Variants in SDK1 observed in about 807,000 individuals in gnomAD.
SDK1 encodes the protein sidekick cell adhesion molecule 1.
A neutral mutation model predicts 245.5 loss-of-function variants in SDK1; 157 were observed. That is an observed-to-expected ratio of 0.64 (90% CI 0.56 to 0.73). SDK1 has a LOEUF of 0.73. SDK1 is among the 30% of genes least tolerant of loss of function. The pLI, the probability that SDK1 is intolerant of heterozygous loss-of-function variation, is 0.00. For missense variants in SDK1, 3,583 were observed against 3,002.3 expected (o/e 1.19, Z -4.52); for synonymous variants, 1,647 against 1,278.5 (o/e 1.29, Z -6.15).
intron 1 of SDK1, among the ~76,000 whole-genome samples, chr7:3,310,841 A>T (rs1271716619): frequency 6.6e-6 from 1 of 152,182 alleles, no homozygotes; most frequent in Non-Finnish European, 1.5e-5. Context: ...TGGGTTGGCT[A>T]CTTAATCTTC....
chr7:3,688,132 C>G (rs1387894904), intron 4 of SDK1, among the ~76,000 whole-genome samples: 2 of 152,226 alleles, frequency 1.3e-5, no homozygotes, highest in East Asian at 1.9e-4. Flanking sequence ...CAGCTACTTC[C>G]TAACTCCTTT....
chr7:4,182,750 A>G (rs970847748), intron 35 of SDK1, among the ~76,000 whole-genome samples: 8 of 152,182 alleles, frequency 5.3e-5, no homozygotes, highest in Admixed American at 1.3e-4. Context: ...TCCTGGCAGT[A>G]GGGAGGGAGA....
At chr7:3,593,414 C>CA (rs1780951015) in intron 1 of SDK1, among the ~76,000 whole-genome samples, 1 of 152,174 alleles carries the variant, frequency 6.6e-6, no homozygotes, top group Non-Finnish European at 1.5e-5. Flanking sequence ...CCCCGTTCTC[C>CA]AAACCTAGCT....
intron 1 of SDK1, among the ~76,000 whole-genome samples, chr7:3,470,570 G>A (rs762728030): frequency 6.6e-6 from 1 of 152,150 alleles, no homozygotes; most frequent in African/African-American, 2.4e-5. Context: ...ACCTTGGGGA[G>A]AGAGGTTAAA....
intron 5 of SDK1, among the ~76,000 whole-genome samples, chr7:3,904,898 CAGG>C (rs903457176): frequency 9.9e-5 from 15 of 151,414 alleles, no homozygotes; most frequent in African/African-American, 3.6e-4. Context: ...GAGACTGAGG[CAGG>C]AGAATGGCGT....
intron 34 of SDK1, among the ~76,000 whole-genome samples, chr7:4,176,205 G>A (rs563194122): frequency 6.8e-6 from 1 of 147,232 alleles, no homozygotes; most frequent in South Asian, 2.1e-4. Flanking sequence ...CTCTGTTGCC[G>A]AGGCTGGAGT....
intron 4 of SDK1, among the ~76,000 whole-genome samples, chr7:3,657,289 C>G (rs1583278353): frequency 1.3e-5 from 2 of 152,174 alleles, no homozygotes; most frequent in South Asian, 4.1e-4. Context: ...AGATGAGAGG[C>G]AGACAGCTGC....
At chr7:4,047,339 C>T (rs1426257670) in intron 17 of SDK1, among the ~76,000 whole-genome samples, 1 of 152,170 alleles carries the variant, frequency 6.6e-6, no homozygotes, top group African/African-American at 2.4e-5. Context: ...GTATAAGATA[C>T]ACCTCGCTTG....
At chr7:3,541,462 T>G (rs547306298) in intron 1 of SDK1, among the ~76,000 whole-genome samples, 39 of 152,318 alleles carry the variant, frequency 2.6e-4, no homozygotes, top group African/African-American at 7.5e-4. Context: ...TTCCATCCAT[T>G]CCCAACCTCT....
At chr7:4,037,988 G>A (rs6462544) in intron 17 of SDK1, among the ~76,000 whole-genome samples, 35,967 of 152,128 alleles carry the variant, frequency 0.24, 5,947 homozygotes, top group African/African-American at 0.48. Flanking sequence ...GGTAGATACT[G>A]TAGTGCTGCC....
At chr7:4,031,522 C>T (rs975351962) in intron 17 of SDK1, among the ~76,000 whole-genome samples, 11 of 151,672 alleles carry the variant, frequency 7.3e-5, no homozygotes, top group Non-Finnish European at 1.2e-4. Context: ...AAAACCTTCC[C>T]GATTACTAAA....
chr7:4,110,865 A>G, intron 23 of SDK1, 93 bp downstream of exon 23: 1 of 828,512 alleles, frequency 1.2e-6, no homozygotes, highest in Non-Finnish European at 2.1e-6. Flanking sequence ...AGTCGTACGT[A>G]TGCAAATCAG....
At chr7:4,129,639 C>G (rs1784657683) in intron 26 of SDK1, 1 of 1,328,804 alleles carries the variant, frequency 7.5e-7, no homozygotes, top group Middle Eastern at 2.9e-4. Flanking sequence ...CAGTTGGGCC[C>G]TCAGATCTTG....
At chr7:4,128,832 A>G (rs1365924483) in intron 26 of SDK1, among the ~76,000 whole-genome samples, 4 of 130,990 alleles carry the variant, frequency 3.1e-5, no homozygotes, top group Non-Finnish European at 6.4e-5. Flanking sequence ...GGAATAGAGC[A>G]GCTTGGAGTG....
At chr7:3,582,683 T>TAAAAAAAAAAAAAAAAAAAAAA (rs71029682) in intron 1 of SDK1, among the ~76,000 whole-genome samples, 19 of 69,684 alleles carry the variant, frequency 2.7e-4, no homozygotes, top group African/African-American at 5.1e-4. Context: ...TAAACTAAAG[T>TAAAAAAAAAAAAAAAAAAAAAA]AAAAAAAAAA....
intron 1 of SDK1, among the ~76,000 whole-genome samples, chr7:3,312,135 T>C (rs1779565339): frequency 6.6e-6 from 1 of 152,168 alleles, no homozygotes; most frequent in Admixed American, 6.5e-5. Flanking sequence ...AACTCCAAGA[T>C]TGCACCTCAT....
At chr7:3,889,550 C>G (rs1406841656) in intron 5 of SDK1, among the ~76,000 whole-genome samples, 1 of 152,140 alleles carries the variant, frequency 6.6e-6, no homozygotes, top group East Asian at 1.9e-4. Context: ...CTCTGCCACC[C>G]AGGCTGGAGT....
intron 4 of SDK1, among the ~76,000 whole-genome samples, chr7:3,799,282 T>C (rs1489756130): frequency 6.6e-6 from 1 of 152,140 alleles, no homozygotes. Flanking sequence ...AATAGTATCT[T>C]TAGGATCCAG....
intron 1 of SDK1, among the ~76,000 whole-genome samples, chr7:3,492,942 T>C (rs1781907863): frequency 1.3e-5 from 2 of 152,138 alleles, no homozygotes; most frequent in Admixed American, 1.3e-4. Context: ...AGAAGATTTA[T>C]TTTATTTTTT....
Sources: gnomAD v4.1 joint callset for allele counts (sites outside exome capture counted in the v4.1 genomes callset) on GRCh38, gnomAD v4.1.1 for gene constraint, MANE v1.5 for transcripts, NCBI Gene and HGNC (gene_info 2026-07-23, HGNC 2026-07-21) for gene names.